Variants in CDKAL1 observed in about 807,000 individuals in gnomAD.
CDKAL1 encodes threonylcarbamoyladenosine tRNA methylthiotransferase.
A neutral mutation model predicts 68.2 loss-of-function variants in CDKAL1; 32 were observed. The ratio of observed to expected loss-of-function variants is 0.47; its 90% CI spans 0.35 to 0.63. The LOEUF is 0.63. Ranked by LOEUF, CDKAL1 falls within the 30% of genes least tolerant of loss-of-function variation. CDKAL1 has a pLI of 0.00. For synonymous variants in CDKAL1, 234 were observed against 244.3 expected, an observed-to-expected ratio of 0.96 and a Z score of 0.39; for missense variants, 606 against 696.7, an observed-to-expected ratio of 0.87 and a Z score of 1.47.
chr6:20,573,548 C>A (rs1257352136), intron 4 of CDKAL1, among the ~76,000 whole-genome samples: 1 of 152,034 alleles, frequency 6.6e-6, no homozygotes, highest in African/African-American at 2.4e-5. Context: ...AAAGTAGATG[C>A]CATACTTTTA....
intron 5 of CDKAL1, among the ~76,000 whole-genome samples, chr6:20,662,827 C>T (rs2067299018): frequency 6.6e-6 from 1 of 152,068 alleles, no homozygotes. Flanking sequence ...GTGTCTCTTT[C>T]TTATTAGATT....
intron 5 of CDKAL1, among the ~76,000 whole-genome samples, chr6:20,654,089 G>T (rs1768906656): frequency 1.3e-5 from 2 of 151,266 alleles, no homozygotes; most frequent in South Asian, 4.2e-4. Context: ...CACTGTGTTG[G>T]CCAGGCTGAT....
At chr6:21,164,666 C>T (rs1481128696) in intron 13 of CDKAL1, among the ~76,000 whole-genome samples, 1 of 152,148 alleles carries the variant, frequency 6.6e-6, no homozygotes, top group African/African-American at 2.4e-5. Context: ...CAAAAATTCT[C>T]AGCATCAAAG....
chr6:20,785,063 C>G (rs1003007575), intron 8 of CDKAL1, among the ~76,000 whole-genome samples: 1 of 152,080 alleles, frequency 6.6e-6, no homozygotes, highest in Non-Finnish European at 1.5e-5. Flanking sequence ...TTTGGCATCA[C>G]TCTCATCCTC....
intron 10 of CDKAL1, among the ~76,000 whole-genome samples, chr6:20,985,050 A>C (rs1044007600): frequency 6.6e-6 from 1 of 152,088 alleles, no homozygotes; most frequent in Non-Finnish European, 1.5e-5. Context: ...CTCTGTAATC[A>C]TTCCAATTAA....
intron 8 of CDKAL1, among the ~76,000 whole-genome samples, chr6:20,790,776 G>T (rs1215407568): frequency 2.6e-5 from 4 of 152,156 alleles, no homozygotes; most frequent in Admixed American, 2.6e-4. Context: ...TGCAGGGGGT[G>T]GTCCCCCCAC....
intron 12 of CDKAL1, among the ~76,000 whole-genome samples, chr6:21,107,769 A>T (rs1477471840): frequency 6.6e-6 from 1 of 152,208 alleles, no homozygotes; most frequent in Non-Finnish European, 1.5e-5. Flanking sequence ...TATGAGGCTT[A>T]TGTGTCATCA....
chr6:21,157,822 C>T (rs1041344033), intron 13 of CDKAL1, among the ~76,000 whole-genome samples: 1 of 152,210 alleles, frequency 6.6e-6, no homozygotes, highest in Non-Finnish European at 1.5e-5. Flanking sequence ...TTTCACTTCT[C>T]ACTCCATAAG....
intron 8 of CDKAL1, among the ~76,000 whole-genome samples, chr6:20,801,126 G>A (rs1297041832): frequency 6.6e-6 from 1 of 151,916 alleles, no homozygotes; most frequent in Non-Finnish European, 1.5e-5. Flanking sequence ...GCCTTATTAT[G>A]TTGCCCAGGC....
intron 5 of CDKAL1, among the ~76,000 whole-genome samples, chr6:20,725,413 G>C (rs1772596114): frequency 6.6e-6 from 1 of 152,192 alleles, no homozygotes; most frequent in South Asian, 2.1e-4. Context: ...GGTGAGTTTT[G>C]AATGCAGTGA....
At chr6:20,567,333 A>G (rs564830503) in intron 4 of CDKAL1, among the ~76,000 whole-genome samples, 1 of 151,974 alleles carries the variant, frequency 6.6e-6, no homozygotes, top group African/African-American at 2.4e-5. Context: ...TGATTAATAA[A>G]TGGTTGATAA....
chr6:21,055,041 T>C (rs1253607237), intron 11 of CDKAL1, among the ~76,000 whole-genome samples: 1 of 152,184 alleles, frequency 6.6e-6, no homozygotes, highest in Non-Finnish European at 1.5e-5. Flanking sequence ...TCAATCCTAA[T>C]GGAAAAGCAT....
rs759229185 is a variant in CDKAL1 at position 20,781,257 on chromosome 6, C to T, written c.630C>T (p.Ile210=). ...RKNPLIEIIS[I]NTGCLNACTY... Reference sequence around the variant, plus strand: ...ATCCACTGATAGAAATCATTTCCATCAATACCGGGTAAGCATCTCTCAAAC... The same window carrying T: ...ATCCACTGATAGAAATCATTTCCATTAATACCGGGTAAGCATCTCTCAAAC... Residue 210 remains isoleucine, a synonymous_variant, in exon 8 of 16, where the codon ATC becomes ATT. Coordinates refer to ENST00000274695, the MANE Select transcript of CDKAL1 (RefSeq NM_017774.3). The T allele has an allele frequency of 1.2e-6, 2 of 1,611,976 alleles. No homozygotes were observed. Among genetic ancestry groups the T allele is most frequent in the East Asian group, 2.2e-5 (1 of 44,768 alleles).
At chr6:20,632,377 G>C (rs1767710633) in intron 4 of CDKAL1, among the ~76,000 whole-genome samples, 1 of 152,154 alleles carries the variant, frequency 6.6e-6, no homozygotes, top group African/African-American at 2.4e-5. Flanking sequence ...TTTGACACAT[G>C]GGCTCTACTG....
intron 6 of CDKAL1, among the ~76,000 whole-genome samples, chr6:20,748,949 A>ATG (rs1345324668): frequency 6.6e-6 from 1 of 151,970 alleles, no homozygotes; most frequent in African/African-American, 2.4e-5. Flanking sequence ...CTTTGCATGT[A>ATG]TGTGTATATA....
chr6:21,152,507 C>T (rs1179710042), intron 13 of CDKAL1, among the ~76,000 whole-genome samples: 2 of 152,218 alleles, frequency 1.3e-5, no homozygotes, highest in Non-Finnish European at 2.9e-5. Context: ...ATATGACCCC[C>T]ACAAACATTC....
chr6:20,662,701 A>G (rs74414953), intron 5 of CDKAL1, among the ~76,000 whole-genome samples: 2 of 152,158 alleles, frequency 1.3e-5, no homozygotes, highest in African/African-American at 4.8e-5. Flanking sequence ...AGTTGAACAA[A>G]TGAATGAACC....
At chr6:21,042,173 C>T (rs1769964887) in intron 11 of CDKAL1, among the ~76,000 whole-genome samples, 1 of 152,068 alleles carries the variant, frequency 6.6e-6, no homozygotes, top group Admixed American at 6.6e-5. Flanking sequence ...TGCTGCAGCT[C>T]CTTCCCAATG....
intron 11 of CDKAL1, among the ~76,000 whole-genome samples, chr6:21,022,226 A>G (rs1430299899): frequency 6.6e-6 from 1 of 152,198 alleles, no homozygotes; most frequent in Non-Finnish European, 1.5e-5. Flanking sequence ...TTAGTTCTCT[A>G]ATCTTCAGAT....
Sources: gnomAD v4.1 joint callset for allele counts (sites outside exome capture counted in the v4.1 genomes callset) on GRCh38, gnomAD v4.1.1 for gene constraint, MANE v1.5 for transcripts, NCBI Gene and HGNC (gene_info 2026-07-23, HGNC 2026-07-21) for gene names.